Variants in SLC39A11 observed in about 807,000 individuals in gnomAD.
SLC39A11 encodes the protein solute carrier family 39 member 11.
SLC39A11 carries 33 observed loss-of-function variants against 36.1 expected under a neutral mutation model. The ratio of observed to expected loss-of-function variants is 0.91; its 90% CI spans 0.69 to 1.22. SLC39A11 has a LOEUF of 1.22. SLC39A11 is among the 50% of genes most tolerant of loss of function. The pLI is 0.00. For missense variants in SLC39A11, 432 were observed against 430.3 expected (o/e 1.00, Z -0.03); for synonymous variants, 166 against 170.3 (o/e 0.97, Z 0.20).
chr17:72,971,791 G>C (rs1215290973), intron 4 of SLC39A11, among the ~76,000 whole-genome samples: 1 of 141,324 alleles, frequency 7.1e-6, no homozygotes, highest in Non-Finnish European at 1.5e-5. Context: ...CTGGTTTGTA[G>C]TGTGTTTAAA....
chr17:72,785,624 CAG>C (rs1462724120), intron 6 of SLC39A11, among the ~76,000 whole-genome samples: 1 of 152,176 alleles, frequency 6.6e-6, no homozygotes, highest in African/African-American at 2.4e-5. Context: ...GCACAATTAT[CAG>C]AGAGGACGTA....
chr17:72,967,735 A>G (rs1324580897), intron 4 of SLC39A11, among the ~76,000 whole-genome samples: 1 of 152,184 alleles, frequency 6.6e-6, no homozygotes, highest in African/African-American at 2.4e-5. Flanking sequence ...AAGCATTCGC[A>G]CTGTGCACCT....
intron 7 of SLC39A11, among the ~76,000 whole-genome samples, chr17:72,667,895 C>T (rs1217437752): frequency 1.3e-5 from 2 of 152,214 alleles, no homozygotes; most frequent in Non-Finnish European, 2.9e-5. Flanking sequence ...TACTCTCTCC[C>T]AAGTTCACCA....
At chr17:72,771,253 G>A (rs934710513) in intron 6 of SLC39A11, among the ~76,000 whole-genome samples, 9 of 151,638 alleles carry the variant, frequency 5.9e-5, no homozygotes, top group Non-Finnish European at 1.2e-4. Flanking sequence ...GAGTGGCGGC[G>A]ATGCCTGTAA....
At chr17:72,933,598 C>A (rs1260823214) in intron 5 of SLC39A11, among the ~76,000 whole-genome samples, 3 of 152,182 alleles carry the variant, frequency 2.0e-5, no homozygotes, top group Non-Finnish European at 2.9e-5. Context: ...CTGCTCACTG[C>A]AACCTCCGCC....
intron 4 of SLC39A11, among the ~76,000 whole-genome samples, chr17:72,982,958 G>A (rs1225710271): frequency 2.0e-5 from 3 of 152,070 alleles, no homozygotes; most frequent in Non-Finnish European, 4.4e-5. Flanking sequence ...TCTCCATCCA[G>A]GCAAGGTCAA....
intron 5 of SLC39A11, among the ~76,000 whole-genome samples, chr17:72,885,518 G>A (rs1258494048): frequency 6.6e-6 from 1 of 151,978 alleles, no homozygotes; most frequent in African/African-American, 2.4e-5. Context: ...CACCTCCAAT[G>A]AACCTGTCCT....
At chr17:72,881,912 T>C (rs370716529) in intron 5 of SLC39A11, among the ~76,000 whole-genome samples, 2 of 152,348 alleles carry the variant, frequency 1.3e-5, no homozygotes, top group East Asian at 1.9e-4. Flanking sequence ...TTACTAAATA[T>C]GAAGGTGTTG....
At chr17:72,775,578 T>C (rs1485844736) in intron 6 of SLC39A11, among the ~76,000 whole-genome samples, 1 of 152,036 alleles carries the variant, frequency 6.6e-6, no homozygotes, top group Non-Finnish European at 1.5e-5. Flanking sequence ...TGCGAGACAA[T>C]CTTGGGGGCA....
intron 5 of SLC39A11, among the ~76,000 whole-genome samples, chr17:72,930,227 A>G (rs1297514025): frequency 6.6e-6 from 1 of 152,168 alleles, no homozygotes; most frequent in Non-Finnish European, 1.5e-5. Context: ...TTTCAATTAC[A>G]TTCCAGTTGT....
At chr17:72,810,174 T>G (rs1335356267) in intron 6 of SLC39A11, among the ~76,000 whole-genome samples, 1 of 152,078 alleles carries the variant, frequency 6.6e-6, no homozygotes, top group Non-Finnish European at 1.5e-5. Flanking sequence ...TCCCCAATTC[T>G]CAAATAGTAC....
intron 7 of SLC39A11, among the ~76,000 whole-genome samples, chr17:72,727,948 G>A (rs2074001047): frequency 1.3e-5 from 2 of 152,234 alleles, no homozygotes; most frequent in Admixed American, 6.5e-5. Flanking sequence ...AGTGGGAACT[G>A]AAGACAGTGC....
Position 72,730,102 on chromosome 17 carries a change from C to T in SLC39A11, c.671+6548G>A, listed in dbSNP as rs569177525. On this transcript the variant is annotated intron_variant, in intron 7 of 9. Coordinates refer to ENST00000255559, the MANE Select transcript of SLC39A11 (RefSeq NM_139177.4). ...GAACGTAAGCTTTCTAATGACTGGG[C>T]TACAGTTTATATATGTCCACTGCAT... Among the ~76,000 whole-genome samples, 5 of 152,248 alleles carry T rather than the reference C, an allele frequency of 3.3e-5. No homozygotes were observed. The South Asian group carries it at 8.3e-4, about 25-fold the overall frequency.
At chr17:72,720,454 G>GTAGCCAGGCACACTCAGAGACCCT (rs1567983472) in intron 7 of SLC39A11, among the ~76,000 whole-genome samples, 1 of 152,164 alleles carries the variant, frequency 6.6e-6, no homozygotes, top group Non-Finnish European at 1.5e-5. Context: ...TGGGCCCCGA[G>GTAGCCAGGCACACTCAGAGACCCT]GCTTGGATGT....
chr17:72,667,500 C>T (rs917565656), intron 7 of SLC39A11, among the ~76,000 whole-genome samples: 2 of 152,220 alleles, frequency 1.3e-5, no homozygotes, highest in Non-Finnish European at 2.9e-5. Flanking sequence ...GTTTTCTTGG[C>T]TTCCCAGTAT....
At chr17:72,864,390 C>T (rs1199097830) in intron 5 of SLC39A11, among the ~76,000 whole-genome samples, 1 of 151,414 alleles carries the variant, frequency 6.6e-6, no homozygotes, top group African/African-American at 2.4e-5. Flanking sequence ...AAATGCAGAC[C>T]AACCGATTTG....
chr17:72,834,119 G>A (rs1010597595), intron 6 of SLC39A11, among the ~76,000 whole-genome samples: 1 of 152,082 alleles, frequency 6.6e-6, no homozygotes, highest in African/African-American at 2.4e-5. Context: ...TAAGGGTCTA[G>A]TGCAGTGTCA....
chr17:72,932,507 T>C (rs2084478722), intron 5 of SLC39A11, among the ~76,000 whole-genome samples: 1 of 148,722 alleles, frequency 6.7e-6, no homozygotes, highest in African/African-American at 2.5e-5. Flanking sequence ...AAACAACCTG[T>C]TCTTTTGGTA....
intron 6 of SLC39A11, among the ~76,000 whole-genome samples, chr17:72,747,520 G>A (rs1004059355): frequency 6.6e-6 from 1 of 152,184 alleles, no homozygotes; most frequent in African/African-American, 2.4e-5. Context: ...AACTGGGAGA[G>A]GACAACACAC....
Sources: allele counts gnomAD v4.1 joint callset (sites outside exome capture counted in the v4.1 genomes callset), GRCh38; gene constraint gnomAD v4.1.1; transcripts MANE v1.5; gene names NCBI Gene and HGNC (gene_info 2026-07-23, HGNC 2026-07-21).